Variants in PTPRT observed in about 807,000 individuals in gnomAD.
PTPRT encodes the protein protein tyrosine phosphatase receptor type T.
Under a neutral mutation model 176.8 loss-of-function variants are expected in PTPRT, and 56 were observed. The observed-to-expected ratio is 0.32, with a 90% CI of 0.26 to 0.40. The LOEUF is 0.40. PTPRT is among the 10% of genes least tolerant of loss of function. The probability of loss-of-function intolerance (pLI) is 1.00; values close to 1 mark genes in which losing one functional copy is unlikely to be tolerated. For synonymous variants in PTPRT, 783 were observed against 739.0 expected (o/e 1.06, Z -0.96); for missense variants, 1,540 against 1,908.2 (o/e 0.81, Z 3.60).
chr20:43,045,556 T>C (rs996325368), intron 1 of PTPRT, among the ~76,000 whole-genome samples: 1 of 149,578 alleles, frequency 6.7e-6, no homozygotes, highest in Non-Finnish European at 1.5e-5. Context: ...TGGGCTCAAG[T>C]GATCCTCCTA....
intron 22 of PTPRT, among the ~76,000 whole-genome samples, chr20:42,112,727 A>T (rs1987069610): frequency 6.6e-6 from 1 of 152,008 alleles, no homozygotes; most frequent in Non-Finnish European, 1.5e-5. Flanking sequence ...CCCTAAACAC[A>T]TGAGCCAGGG....
chr20:42,324,850 C>T (rs1236813463), intron 11 of PTPRT, among the ~76,000 whole-genome samples: 2 of 152,148 alleles, frequency 1.3e-5, no homozygotes, highest in Non-Finnish European at 2.9e-5. Context: ...GTCAAAATAG[C>T]TCGCAGAGGA....
chr20:42,906,060 A>AT (rs1435708432), intron 1 of PTPRT, among the ~76,000 whole-genome samples: 2 of 152,158 alleles, frequency 1.3e-5, no homozygotes, highest in Non-Finnish European at 2.9e-5. Context: ...GTATATATAT[A>AT]TAAAAAAAAG....
At chr20:42,971,197 T>C (rs1982617112) in intron 1 of PTPRT, 2 of 152,256 alleles carry the variant, frequency 1.3e-5, no homozygotes, top group South Asian at 2.1e-4. Context: ...AGAAAGCATT[T>C]CAAAGAAGAG....
chr20:42,264,725 T>C (rs1049543922), intron 13 of PTPRT, among the ~76,000 whole-genome samples: 2 of 152,212 alleles, frequency 1.3e-5, no homozygotes, highest in Non-Finnish European at 2.9e-5. Flanking sequence ...TTGCCTTGGG[T>C]CACTGCAGGA....
chr20:42,730,851 T>G lies in PTPRT; in HGVS notation c.859+25611A>C, dbSNP rs752745147. On this transcript the variant is annotated intron_variant, in intron 6 of 30. Transcript: ENST00000373187. ...CTAAAGGAGCATCCCAGCTCCTGGG[T>G]TCTCCCACAGGGTTGACTGATCCCT... 3.1e-4 allele frequency among the ~76,000 whole-genome samples: 47 copies of G among 152,158 alleles called. 1 individual carries two copies. The highest frequency in any genetic ancestry group is 5.4e-4 in the Non-Finnish European group (37 of 68,036).
rs34045854 is a variant in PTPRT, at chr20:42,299,641, C to CT, written c.2139+16081dup. Among the ~76,000 whole-genome samples the CT allele has an allele frequency of 5.3e-3, 459 of 85,952 alleles. 15 individuals are homozygous for CT. Among genetic ancestry groups the CT allele is most frequent in the Middle Eastern group, 0.022 (2 of 90 alleles). The allele number at this position is 85,952 out of a possible 152,430, so 56.4% of individuals were successfully genotyped here. A position where few individuals can be genotyped will look rare whatever the true frequency, so the allele number is the denominator to read the frequency against. On this transcript the variant is annotated intron_variant, in intron 12 of 30. Transcript: ENST00000373187. Reference sequence around the variant, plus strand: ...GAATGGAGGTATCATGAACTTTTGCCTTTTTTTTTTTTTTTTTTTTTTTGA... The same window carrying CT: ...GAATGGAGGTATCATGAACTTTTGCCTTTTTTTTTTTTTTTTTTTTTTTTGA...
chr20:42,526,576 A>T (rs1286736736), intron 7 of PTPRT, among the ~76,000 whole-genome samples: 1 of 152,096 alleles, frequency 6.6e-6, no homozygotes, highest in Non-Finnish European at 1.5e-5. Context: ...GTAGTGATAA[A>T]TTTGGTCCCA....
At chr20:42,451,570 A>G (rs2070828388) in intron 8 of PTPRT, among the ~76,000 whole-genome samples, 1 of 152,206 alleles carries the variant, frequency 6.6e-6, no homozygotes, top group Non-Finnish European at 1.5e-5. Context: ...TTAGGAGGAA[A>G]ATGAATGGAG....
At chr20:42,802,280 G>A (rs1195214949) in intron 2 of PTPRT, among the ~76,000 whole-genome samples, 1 of 152,172 alleles carries the variant, frequency 6.6e-6, no homozygotes, top group Non-Finnish European at 1.5e-5. Flanking sequence ...AAAAATTTGG[G>A]CGAATCAACA....
intron 7 of PTPRT, among the ~76,000 whole-genome samples, chr20:42,511,967 G>A (rs2071966793): frequency 6.6e-6 from 1 of 151,932 alleles, no homozygotes; most frequent in Admixed American, 6.6e-5. Flanking sequence ...CATTCCAAAG[G>A]CAAGAAGAGT....
At chr20:42,331,994 T>G (rs950675550) in intron 11 of PTPRT, among the ~76,000 whole-genome samples, 1 of 152,146 alleles carries the variant, frequency 6.6e-6, no homozygotes, top group Non-Finnish European at 1.5e-5. Context: ...CCAACTGTAC[T>G]TGTCATTATA....
Position 42,085,797 on chromosome 20 carries a change from C to T in PTPRT, c.3903G>A (p.Val1301=), listed in dbSNP as rs1351942796. The T allele has an allele frequency of 6.2e-7, 1 of 1,613,780 alleles. No homozygotes were observed. Among genetic ancestry groups the T allele is most frequent in the Non-Finnish European group, 8.5e-7 (1 of 1,179,784 alleles). Residue 1301 remains valine, a synonymous_variant, in exon 28 of 31, where the codon GTG becomes GTA. Transcript: ENST00000373187. ...CGTCGATGTCTGCGGAGACGAACTC[C>T]ACCTGGATGGGCCCATAGCACCCGG... ...KTSGCYGPIQ[V]EFVSADIDED... is the part of the protein sequence containing the mutation.
Position 42,577,376 on chromosome 20 carries a change from T to A in PTPRT, c.1153+100490A>T, listed in dbSNP as rs1039806940. 4.6e-5 allele frequency among the ~76,000 whole-genome samples: 7 copies of A among 152,250 alleles called. No homozygotes were observed. In the East Asian group the frequency reaches 5.8e-4, roughly 13 times the overall value. On this transcript the variant is annotated intron_variant, in intron 7 of 30. Coordinates refer to ENST00000373187, the MANE Select transcript of PTPRT (RefSeq NM_007050.6). ...GAGGGATACATCGCAGAAGCCAGCA[T>A]GAAAGGACCACCAGGCTGTGCTGCA...
At chr20:42,089,896 C>T (rs1984428167) in intron 27 of PTPRT, among the ~76,000 whole-genome samples, 2 of 152,218 alleles carry the variant, frequency 1.3e-5, no homozygotes, top group African/African-American at 4.8e-5. Flanking sequence ...CAATAAGAAA[C>T]ATCCTCTGTG....
At chr20:42,638,017 C>T (rs2074646799) in intron 7 of PTPRT, among the ~76,000 whole-genome samples, 1 of 152,096 alleles carries the variant, frequency 6.6e-6, no homozygotes, top group Non-Finnish European at 1.5e-5. Context: ...CATCTCTTCC[C>T]AACCCAATAT....
chr20:42,204,098 G>A (rs1323535932), intron 15 of PTPRT, among the ~76,000 whole-genome samples: 1 of 152,180 alleles, frequency 6.6e-6, no homozygotes, highest in East Asian at 1.9e-4. Flanking sequence ...CACTTTAAAA[G>A]TAGATACGTG....
intron 4 of PTPRT, among the ~76,000 whole-genome samples, chr20:42,779,847 G>T (rs1209713154): frequency 2.1e-5 from 2 of 96,944 alleles, no homozygotes; most frequent in Non-Finnish European, 5.7e-5. Context: ...TGGTGGTGGT[G>T]TGTTTTTTTT....
At chr20:42,462,401 G>C (rs577153040) in intron 8 of PTPRT, among the ~76,000 whole-genome samples, 1 of 152,290 alleles carries the variant, frequency 6.6e-6, no homozygotes, top group South Asian at 2.1e-4. Flanking sequence ...ACCTAGCACA[G>C]GCAGGAAATC....
Sources: gnomAD v4.1 joint callset for allele counts (sites outside exome capture counted in the v4.1 genomes callset) on GRCh38, gnomAD v4.1.1 for gene constraint, MANE v1.5 for transcripts, NCBI Gene and HGNC (gene_info 2026-07-23, HGNC 2026-07-21) for gene names.